The following NMD3 variants were observed in gnomAD, a reference collection of about 807,000 sequenced individuals.
NMD3 encodes NMD3 ribosome export adaptor.
NMD3 carries 47 observed loss-of-function variants against 73.1 expected under a neutral mutation model. That is an observed-to-expected ratio of 0.64 (90% CI 0.51 to 0.82). The LOEUF (loss-of-function observed/expected upper bound fraction) is 0.82, where lower values mean the gene tolerates loss of function less well. Among genes scored for constraint, NMD3 ranks in the 40% least tolerant of loss-of-function variants. The pLI, the probability that NMD3 is intolerant of heterozygous loss-of-function variation, is 0.00. For synonymous variants in NMD3, 210 were observed against 194.5 expected, an observed-to-expected ratio of 1.08 and a Z score of -0.66; for missense variants, 554 against 612.5, an observed-to-expected ratio of 0.90 and a Z score of 1.01.
chr3:161,238,924 G>A lies in NMD3; in HGVS notation c.753+98G>A, dbSNP rs570105187. On this transcript the variant is annotated intron_variant, in intron 9 of 15. Transcript: ENST00000351193. Reference sequence around the variant, plus strand: ...AGCTCCTGGTTTTCCTCTAGGGTTGGTTAAAAATTTAGAATAAGTTCCTTA... The same window carrying A: ...AGCTCCTGGTTTTCCTCTAGGGTTGATTAAAAATTTAGAATAAGTTCCTTA... 3.8e-5 allele frequency: 22 copies of A among 579,512 alleles called. No individual in the cohort carries two copies. The South Asian group carries it at 4.5e-4, about 12-fold the overall frequency. 35.9% of individuals were successfully genotyped at this position (579,512 alleles called of 1,614,324 possible). A position where few individuals can be genotyped will look rare whatever the true frequency, so the allele number is the denominator to read the frequency against.
intron 7 of NMD3, among the ~76,000 whole-genome samples, chr3:161,237,832 A>G (rs1028073938): frequency 6.6e-6 from 1 of 152,006 alleles, no homozygotes; most frequent in African/African-American, 2.4e-5. Context: ...CCGGCTGTTC[A>G]TAAACTTTCT....
intron 11 of NMD3, among the ~76,000 whole-genome samples, chr3:161,244,073 CT>C (rs1737097522): frequency 6.6e-6 from 1 of 152,138 alleles, no homozygotes; most frequent in Admixed American, 6.5e-5. Context: ...TAAAGAAGAG[CT>C]TTTCATTATT....
chr3:161,247,392 G>A lies in NMD3; in HGVS notation c.1203+62G>A, dbSNP rs542784593. The stretch of plus-strand genomic sequence containing the variant: ...AAGAGGATGAATGTAACTCTTAGGG[G>A]TAAGAGGTAGGAGTTCACACTTTTG... On this transcript the variant is annotated intron_variant, in intron 13 of 15. Coordinates refer to ENST00000351193, the MANE Select transcript of NMD3 (RefSeq NM_015938.5). 3.1e-6 allele frequency: 3 copies of A among 967,194 alleles called. No individual in the cohort carries two copies. In the Admixed American group the frequency reaches 5.9e-5, roughly 19 times the overall value. 59.9% of individuals were successfully genotyped at this position (967,194 alleles called of 1,614,324 possible). A position where few individuals can be genotyped will look rare whatever the true frequency, so the allele number is the denominator to read the frequency against.
In NMD3 at chr3:161,238,325, A is replaced by G. The variant is rs144759895; in HGVS notation, c.656+134A>G. 1,170 of 663,554 alleles carry G rather than the reference A, an allele frequency of 1.8e-3. 11 individuals carry two copies. The African/African-American group carries it at 0.02, about 11-fold the overall frequency. 41.1% of individuals were successfully genotyped at this position (663,554 alleles called of 1,614,324 possible). ...AAATACTTACACAATCAGGAAGCAT[A>G]TATTGGGTTAACCACCCACTCACAG... On this transcript the variant is annotated intron_variant, in intron 8 of 15. Transcript: ENST00000351193.
intron 7 of NMD3, 131 bp downstream of exon 7, chr3:161,235,343 A>AG (rs1361694715): frequency 2.1e-6 from 1 of 475,682 alleles, no homozygotes; most frequent in African/African-American, 2.0e-5. Context: ...AAAAAAAAAA[A>AG]AAACAACTTA....
intron 4 of NMD3, among the ~76,000 whole-genome samples, chr3:161,230,561 T>G (rs6762645): frequency 0.65 from 98,499 of 152,088 alleles, 34,008 homozygotes; most frequent in East Asian, 0.97. Context: ...GTGGCCTCAA[T>G]AAGTGGAAAA....
chr3:161,224,662 T>TTTTTAGTAGAGATGGGG (rs1485926292), intron 2 of NMD3, among the ~76,000 whole-genome samples: 1 of 152,170 alleles, frequency 6.6e-6, no homozygotes, highest in Admixed American at 6.5e-5. Context: ...AATTTTTGTA[T>TTTTTAGTAGAGATGGGG]TTTTAGTAGA....
At chr3:161,227,748 G>A (rs1369649019) in intron 4 of NMD3, among the ~76,000 whole-genome samples, 1 of 151,830 alleles carries the variant, frequency 6.6e-6, no homozygotes, top group Non-Finnish European at 1.5e-5. Context: ...TGCTGGCCTC[G>A]AAAGTAACTA....
chr3:161,238,851 A>G (rs767643957), intron 9 of NMD3, 25 bp downstream of exon 9: 6 of 1,125,518 alleles, frequency 5.3e-6, no homozygotes, highest in Non-Finnish European at 7.9e-6. Flanking sequence ...CATTTAATCC[A>G]TATCTGTAAA....
intron 1 of NMD3, 62 bp from the exon 2 acceptor site, chr3:161,221,932 T>C: frequency 9.2e-7 from 1 of 1,089,838 alleles, no homozygotes; most frequent in Non-Finnish European, 1.3e-6. Flanking sequence ...GGAGACTAGG[T>C]AAAGTGATTT....
chr3:161,243,419 G>GA (rs1333286368), intron 11 of NMD3, among the ~76,000 whole-genome samples: 2 of 152,236 alleles, frequency 1.3e-5, no homozygotes, highest in East Asian at 3.9e-4. Flanking sequence ...ATAAGGGGGG[G>GA]ATTACTGTGT....
At position 161,247,269 on chromosome 3, in the gene NMD3, C is replaced by A. The variant is rs1453279973; in HGVS notation, c.1142C>A (p.Ala381Asp). Reference sequence around the variant, plus strand: ...TGTTTACATTTCAGGTTTGATTTGGCCAACTGTAACTTAAATGATGAGCAT... The same window carrying A: ...TGTTTACATTTCAGGTTTGATTTGGACAACTGTAACTTAAATGATGAGCAT... ...PGDLVLGFDL[A>D]NCNLNDEHVN... The change falls in exon 13 of 16, where the codon GCC (alanine) becomes GAC (aspartate). Residue 381 changes from alanine (A) to aspartate (D), a missense_variant. Coordinates refer to ENST00000351193, the MANE Select transcript of NMD3 (RefSeq NM_015938.5). 1 of 1,608,146 alleles carries A rather than the reference C, an allele frequency of 6.2e-7. No homozygotes were observed. The highest frequency in any genetic ancestry group is 1.1e-5 in the South Asian group (1 of 90,912).
intron 5 of NMD3, among the ~76,000 whole-genome samples, chr3:161,233,726 G>A (rs1736629997): frequency 6.6e-6 from 1 of 151,856 alleles, no homozygotes; most frequent in Non-Finnish European, 1.5e-5. Flanking sequence ...TAAAAACATG[G>A]TCTAAGGTAC....
chr3:161,221,962 T>C (rs1384734298), intron 1 of NMD3, 32 bp from the exon 2 acceptor site: 2 of 261,310 alleles, frequency 7.7e-6, no homozygotes, highest in African/African-American at 1.1e-4. Context: ...CATTCTCTTT[T>C]TTTTTTTTTT....
At chr3:161,226,923 A>G (rs1466800394) in intron 3 of NMD3, among the ~76,000 whole-genome samples, 2 of 152,150 alleles carry the variant, frequency 1.3e-5, no homozygotes, top group Non-Finnish European at 2.9e-5. Context: ...TGCCATTTTG[A>G]GATGATTCTC....
At chr3:161,224,230 A>G (rs924814276) in intron 2 of NMD3, among the ~76,000 whole-genome samples, 12 of 152,178 alleles carry the variant, frequency 7.9e-5, no homozygotes, top group African/African-American at 2.9e-4. Flanking sequence ...TAAAAAAATA[A>G]ATTGAGTTTC....
chr3:161,238,160 G>T lies in NMD3; in HGVS notation c.625G>T (p.Val209Phe), dbSNP rs199891699. ...YSSKQHAQKM[V>F]EFLQCTVPCR... is the part of the protein sequence containing the mutation. Reference sequence around the variant, plus strand: ...CTCAAAACAACATGCTCAGAAGATGGTCGAATTTCTTCAGTGTACAGTTCC... The same window carrying T: ...CTCAAAACAACATGCTCAGAAGATGTTCGAATTTCTTCAGTGTACAGTTCC... Residue 209 changes from valine (V) to phenylalanine (F), a missense_variant, in exon 8 of 16, where the codon GTC becomes TTC. Coordinates refer to ENST00000351193, the MANE Select transcript of NMD3 (RefSeq NM_015938.5). 3 of 1,606,622 alleles carry T rather than the reference G, an allele frequency of 1.9e-6. No individual in the cohort carries two copies. Among genetic ancestry groups the T allele is most frequent in the East Asian group, 4.5e-5 (2 of 44,754 alleles).
intron 2 of NMD3, among the ~76,000 whole-genome samples, chr3:161,224,725 G>C (rs533266569): frequency 6.6e-6 from 1 of 152,212 alleles, no homozygotes; most frequent in East Asian, 1.9e-4. Flanking sequence ...TATCTCAGGT[G>C]ATCTACCCGC....
chr3:161,250,890 G>A lies in NMD3; in HGVS notation c.1492G>A (p.Gly498Ser). 1 of 1,612,174 alleles carries A rather than the reference G, an allele frequency of 6.2e-7. No individual in the cohort carries two copies. The highest frequency in any genetic ancestry group is 1.1e-5 in the South Asian group (1 of 90,964). Residue 498 changes from glycine (G) to serine (S), a missense_variant, in exon 16 of 16, where the codon GGT (glycine) becomes AGT (serine). Transcript: ENST00000351193. ...TTCCCAAGATGCCACTGGTGAAGAAGGTGCATCAATGCTGACATAATGAGA... is the reference window on the plus strand; with the variant it reads ...TTCCCAAGATGCCACTGGTGAAGAAAGTGCATCAATGCTGACATAATGAGA... ...HISQDATGEE[G>S]ASMLT
Sources: allele counts gnomAD v4.1 joint callset (sites outside exome capture counted in the v4.1 genomes callset), GRCh38; gene constraint gnomAD v4.1.1; transcripts MANE v1.5; gene names NCBI Gene and HGNC (gene_info 2026-07-23, HGNC 2026-07-21).